Variants in TMEM132C observed in about 807,000 individuals in gnomAD.
TMEM132C encodes transmembrane protein 132C.
In TMEM132C, 29 loss-of-function variants were observed where a neutral mutation model predicts 61.4. The ratio of observed to expected loss-of-function variants is 0.47; its 90% confidence interval spans 0.35 to 0.64. TMEM132C has a LOEUF of 0.64. Ranked by LOEUF, TMEM132C falls within the 30% of genes least tolerant of loss-of-function variation. The pLI, the probability that TMEM132C is intolerant of heterozygous loss-of-function variation, is 0.00. For missense variants in TMEM132C, 1,408 were observed against 1,476.9 expected (o/e 0.95, Z 0.76); for synonymous variants, 656 against 633.1 (o/e 1.04, Z -0.54).
Position 128,304,613 on chromosome 12 carries a change from AAAAG to A in TMEM132C, c.85+37150_85+37153del, listed in dbSNP as rs200307720. ...GACAGAGCAAGCCTCCGTCTCAAAA[AAAAG>A]AAAGAAAGAAAGAAAGAAAGAAAAA... On this transcript the variant is annotated intron_variant, in intron 1 of 8. Coordinates refer to ENST00000435159, the MANE Select transcript of TMEM132C (RefSeq NM_001136103.3). 5.2e-4 allele frequency among the ~76,000 whole-genome samples: 79 copies of A among 150,510 alleles called. 1 individual carries two copies. In the Middle Eastern group the frequency reaches 0.014, roughly 26 times the overall value.
chr12:128,357,000 C>A (rs1357325587), intron 1 of TMEM132C, among the ~76,000 whole-genome samples: 2 of 152,192 alleles, frequency 1.3e-5, no homozygotes, highest in Admixed American at 6.5e-5. Context: ...CACACACATA[C>A]ACACACAGAG....
chr12:128,365,130 G>A (rs909094204), intron 1 of TMEM132C, among the ~76,000 whole-genome samples: 1 of 152,152 alleles, frequency 6.6e-6, no homozygotes, highest in East Asian at 1.9e-4. Flanking sequence ...AGTGAGACAC[G>A]ACACTGGGGG....
intron 2 of TMEM132C, among the ~76,000 whole-genome samples, chr12:128,526,175 A>T (rs1467326323): frequency 6.6e-6 from 1 of 152,228 alleles, no homozygotes; most frequent in Non-Finnish European, 1.5e-5. Context: ...AAATATTGCA[A>T]TGGACAAAGA....
At chr12:128,641,469 A>G (rs1443656180) in intron 4 of TMEM132C, among the ~76,000 whole-genome samples, 1 of 152,212 alleles carries the variant, frequency 6.6e-6, no homozygotes, top group Non-Finnish European at 1.5e-5. Flanking sequence ...TCTAAATCCA[A>G]TGGCAAGTGT....
chr12:128,392,320 T>C (rs1345219758), intron 1 of TMEM132C, among the ~76,000 whole-genome samples: 1 of 152,240 alleles, frequency 6.6e-6, no homozygotes, highest in African/African-American at 2.4e-5. Flanking sequence ...TCGTGCCTGA[T>C]GCAAAAGCAT....
At chr12:128,336,186 A>G (rs796236152) in intron 1 of TMEM132C, among the ~76,000 whole-genome samples, 5 of 151,376 alleles carry the variant, frequency 3.3e-5, no homozygotes, top group African/African-American at 1.2e-4. Context: ...ATTACAGTGC[A>G]TAAAATAGAA....
chr12:128,510,494 C>G (rs568614564), intron 2 of TMEM132C, among the ~76,000 whole-genome samples: 1 of 152,186 alleles, frequency 6.6e-6, no homozygotes, highest in African/African-American at 2.4e-5. Context: ...CTCTCAAGCC[C>G]GCACCTAGAA....
At chr12:128,482,466 G>T (rs988518819) in intron 2 of TMEM132C, among the ~76,000 whole-genome samples, 2 of 152,176 alleles carry the variant, frequency 1.3e-5, no homozygotes, top group Admixed American at 6.5e-5. Context: ...TCAGGTTTGG[G>T]TATCAGGATG....
intron 2 of TMEM132C, among the ~76,000 whole-genome samples, chr12:128,464,874 G>A (rs137860018): frequency 4.6e-5 from 7 of 151,898 alleles, no homozygotes; most frequent in African/African-American, 1.7e-4. Flanking sequence ...GCAAGGCTGT[G>A]TGAGCATTAG....
chr12:128,545,040 G>A (rs1873899886), intron 3 of TMEM132C, among the ~76,000 whole-genome samples: 1 of 152,194 alleles, frequency 6.6e-6, no homozygotes, highest in South Asian at 2.1e-4. Context: ...GCCTGAGGCT[G>A]AGGTTTGGGG....
chr12:128,407,790 A>G (rs1309983179), intron 1 of TMEM132C, among the ~76,000 whole-genome samples: 2 of 152,208 alleles, frequency 1.3e-5, no homozygotes, highest in East Asian at 1.9e-4. Flanking sequence ...AGATTCAAAG[A>G]GTGGGGAAAC....
intron 2 of TMEM132C, among the ~76,000 whole-genome samples, chr12:128,465,879 GGT>G (rs1870715769): frequency 6.6e-6 from 1 of 152,212 alleles, no homozygotes; most frequent in Admixed American, 6.5e-5. Context: ...CTGTGATGAG[GGT>G]GTGTCTGTGG....
At chr12:128,653,188 G>T (rs1322207701) in intron 4 of TMEM132C, among the ~76,000 whole-genome samples, 2 of 151,030 alleles carry the variant, frequency 1.3e-5, no homozygotes, top group South Asian at 2.1e-4. Context: ...CATGTTGTAT[G>T]ATTCCCTTTA....
At chr12:128,682,102 A>G (rs1320656598) in intron 5 of TMEM132C, among the ~76,000 whole-genome samples, 2 of 152,126 alleles carry the variant, frequency 1.3e-5, no homozygotes, top group African/African-American at 4.8e-5. Flanking sequence ...CTCTGAGCCA[A>G]TTGCTGTGGC....
At chr12:128,499,391 G>A (rs1593075588) in intron 2 of TMEM132C, among the ~76,000 whole-genome samples, 2 of 152,116 alleles carry the variant, frequency 1.3e-5, no homozygotes, top group East Asian at 1.9e-4. Context: ...CAAGCATTTA[G>A]CATTTCTTTA....
At chr12:128,321,799 A>G (rs1872342876) in intron 1 of TMEM132C, among the ~76,000 whole-genome samples, 1 of 152,210 alleles carries the variant, frequency 6.6e-6, no homozygotes, top group Admixed American at 6.5e-5. Context: ...AAATACATGT[A>G]CACCTCTAAT....
At chr12:128,295,718 T>A (rs1871390398) in intron 1 of TMEM132C, among the ~76,000 whole-genome samples, 1 of 151,836 alleles carries the variant, frequency 6.6e-6, no homozygotes, top group South Asian at 2.1e-4. Context: ...CACATAAAAT[T>A]CTGCTCAGTG....
At chr12:128,383,985 C>T (rs1874497994) in intron 1 of TMEM132C, among the ~76,000 whole-genome samples, 1 of 152,270 alleles carries the variant, frequency 6.6e-6, no homozygotes, top group East Asian at 1.9e-4. Context: ...CCAAAGGGTG[C>T]GTTTTAGCTA....
intron 4 of TMEM132C, among the ~76,000 whole-genome samples, chr12:128,658,062 A>C (rs1477285585): frequency 6.8e-6 from 1 of 147,594 alleles, no homozygotes; most frequent in African/African-American, 2.5e-5. Flanking sequence ...GCTCCCATGG[A>C]GGCCTCAAGG....
Sources: gnomAD v4.1 joint callset for allele counts (sites outside exome capture counted in the v4.1 genomes callset) on GRCh38, gnomAD v4.1.1 for gene constraint, MANE v1.5 for transcripts, NCBI Gene and HGNC (gene_info 2026-07-23, HGNC 2026-07-21) for gene names.